Variants in ADAM10 observed in about 807,000 individuals in gnomAD.
ADAM10 encodes ADAM metallopeptidase domain 10.
ADAM10 carries 17 observed loss-of-function variants against 90.1 expected under a neutral mutation model. The observed-to-expected ratio is 0.19, with a 90% CI of 0.13 to 0.28. The LOEUF is 0.28. ADAM10 is among the 10% of genes least tolerant of loss of function. The pLI, the probability that ADAM10 is intolerant of heterozygous loss-of-function variation, is 1.00. For missense variants in ADAM10, 610 were observed against 914.3 expected, an observed-to-expected ratio of 0.67 and a Z score of 4.29; for synonymous variants, 310 against 298.6, an observed-to-expected ratio of 1.04 and a Z score of -0.40.
intron 1 of ADAM10, among the ~76,000 whole-genome samples, chr15:58,745,583 T>C (rs1410769933): frequency 6.6e-6 from 1 of 152,180 alleles, no homozygotes; most frequent in African/African-American, 2.4e-5. Flanking sequence ...ATGTTCTTTT[T>C]AAACAAATCT....
At chr15:58,699,865 T>C (rs527708889) in intron 2 of ADAM10, among the ~76,000 whole-genome samples, 5 of 152,116 alleles carry the variant, frequency 3.3e-5, no homozygotes, top group Non-Finnish European at 7.4e-5. Context: ...GTAATAACCT[T>C]AACTGTAAAA....
At chr15:58,649,627 C>T (rs1896635488) in intron 5 of ADAM10, among the ~76,000 whole-genome samples, 1 of 152,178 alleles carries the variant, frequency 6.6e-6, no homozygotes, top group African/African-American at 2.4e-5. Context: ...TGTCTTCTGT[C>T]TTTTTAACTG....
intron 4 of ADAM10, 59 bp downstream of exon 4, chr15:58,679,065 C>G: frequency 2.0e-6 from 3 of 1,498,032 alleles, no homozygotes; most frequent in Non-Finnish European, 2.8e-6. Flanking sequence ...TGTCTCCACA[C>G]AGTTTTAACT....
chr15:58,662,246 G>T (rs1404450447), intron 5 of ADAM10, among the ~76,000 whole-genome samples: 1 of 152,144 alleles, frequency 6.6e-6, no homozygotes, highest in African/African-American at 2.4e-5. Flanking sequence ...TTTGAGGTTT[G>T]TTTTTCTGCT....
intron 6 of ADAM10, among the ~76,000 whole-genome samples, 186 bp downstream of exon 6, chr15:58,645,869 G>C (rs1896532764): frequency 6.6e-6 from 1 of 151,922 alleles, no homozygotes; most frequent in South Asian, 2.1e-4. Flanking sequence ...CCTCTCTTTT[G>C]ACACTAAAAT....
At chr15:58,645,458 G>C (rs1355870815) in intron 6 of ADAM10, among the ~76,000 whole-genome samples, 2 of 151,968 alleles carry the variant, frequency 1.3e-5, no homozygotes, top group African/African-American at 2.4e-5. Context: ...AATCCTAAGG[G>C]AAGAACTACC....
chr15:58,702,000 G>T (rs1342768614), intron 2 of ADAM10, among the ~76,000 whole-genome samples: 1 of 152,102 alleles, frequency 6.6e-6, no homozygotes. Flanking sequence ...CAGCTACTCA[G>T]GAGGCTGAGG....
At chr15:58,692,419 TTA>T (rs1414268485) in intron 2 of ADAM10, 2 of 561,088 alleles carry the variant, frequency 3.6e-6, no homozygotes, top group Non-Finnish European at 7.2e-6. Flanking sequence ...CTTATTATTC[TTA>T]TCAGTGTCAT....
chr15:58,607,813 G>C (rs1446385433), intron 14 of ADAM10, among the ~76,000 whole-genome samples: 1 of 152,182 alleles, frequency 6.6e-6, no homozygotes, highest in Non-Finnish European at 1.5e-5. Flanking sequence ...GTCAAGGTAA[G>C]AGGTAGTTTT....
chr15:58,692,286 G>A (rs1897840911), intron 2 of ADAM10: 3 of 607,382 alleles, frequency 4.9e-6, no homozygotes, highest in African/African-American at 3.7e-5. Context: ...CACTGGTGAG[G>A]CTCTTGTAGA....
At chr15:58,685,067 G>A (rs578018919) in intron 2 of ADAM10, among the ~76,000 whole-genome samples, 1 of 151,258 alleles carries the variant, frequency 6.6e-6, no homozygotes, top group Non-Finnish European at 1.5e-5. Flanking sequence ...TCGTATTTAT[G>A]GGTATACCCA....
intron 2 of ADAM10, among the ~76,000 whole-genome samples, chr15:58,684,661 C>T (rs571243457): frequency 1.3e-5 from 2 of 152,296 alleles, no homozygotes; most frequent in Admixed American, 6.5e-5. Context: ...GAGTTGTATC[C>T]TTTATAATAA....
intron 1 of ADAM10, chr15:58,748,395 C>A (rs1266433539): frequency 6.6e-6 from 1 of 152,254 alleles, no homozygotes; most frequent in African/African-American, 2.4e-5. Flanking sequence ...TTAGGCACAC[C>A]TTGAGGTTTT....
At chr15:58,618,884 T>A (rs1895697554) in intron 11 of ADAM10, among the ~76,000 whole-genome samples, 1 of 152,164 alleles carries the variant, frequency 6.6e-6, no homozygotes, top group Non-Finnish European at 1.5e-5. Context: ...GATGCAGAGA[T>A]CAGGAACCAT....
intron 2 of ADAM10, among the ~76,000 whole-genome samples, chr15:58,710,057 CGGA>C (rs1898425128): frequency 6.6e-6 from 1 of 152,040 alleles, no homozygotes; most frequent in South Asian, 2.1e-4. Flanking sequence ...CCAAGGCAGG[CGGA>C]TCATGTTAGG....
chr15:58,613,038 C>T (rs144332873), intron 11 of ADAM10, among the ~76,000 whole-genome samples: 245 of 152,310 alleles, frequency 1.6e-3, no homozygotes, highest in African/African-American at 5.7e-3. Flanking sequence ...CAAGAGGGAT[C>T]CCCTTGGCTA....
chr15:58,670,175 T>A (rs1897162123), intron 4 of ADAM10, among the ~76,000 whole-genome samples: 1 of 151,744 alleles, frequency 6.6e-6, no homozygotes, highest in Non-Finnish European at 1.5e-5. Context: ...AGGCAATGTG[T>A]AGACCCTGAT....
chr15:58,728,547 C>G lies in ADAM10; in HGVS notation c.56-10820G>C, dbSNP rs558249374. 7.9e-5 allele frequency among the ~76,000 whole-genome samples: 12 copies of G among 151,352 alleles called. No individual in the cohort carries two copies. The East Asian group carries it at 2.1e-3, about 27-fold the overall frequency. ...TTAAGGTGAGGCATTCGAGACCAGCCTGGGCAACATAGCGAGATTCCATCT... is the reference window on the plus strand; with the variant it reads ...TTAAGGTGAGGCATTCGAGACCAGCGTGGGCAACATAGCGAGATTCCATCT... On this transcript the variant is annotated intron_variant, in intron 1 of 15. Transcript: ENST00000260408.
rs112565809 is a variant in ADAM10 at position 58,693,159 on chromosome 15, C to T, written c.207-10845G>A. 2,116 of 729,874 alleles carry T rather than the reference C, an allele frequency of 2.9e-3. 38 individuals carry two copies. Among genetic ancestry groups the T allele is most frequent in the South Asian group, 0.016 (1,208 of 74,098 alleles). 45.2% of individuals were successfully genotyped at this position (729,874 alleles called of 1,614,324 possible). On this transcript the variant is annotated intron_variant, in intron 2 of 15. Coordinates refer to ENST00000260408, the MANE Select transcript of ADAM10 (RefSeq NM_001110.4). ...CAATTTCTGCCTAAAAGGCAAAAGT[C>T]GCCACCTCCCCTTCTCCATGGTACA...
Sources: allele counts gnomAD v4.1 joint callset (sites outside exome capture counted in the v4.1 genomes callset), GRCh38; gene constraint gnomAD v4.1.1; transcripts MANE v1.5; gene names NCBI Gene and HGNC (gene_info 2026-07-23, HGNC 2026-07-21).